The following CEP70 variants were observed in gnomAD, a reference collection of about 807,000 sequenced individuals.
CEP70 encodes the protein centrosomal protein 70.
Under a neutral mutation model 90.9 loss-of-function variants are expected in CEP70, and 70 were observed. The observed-to-expected ratio is 0.77, with a 90% CI of 0.64 to 0.94. CEP70 has a LOEUF of 0.94. Ranked by LOEUF, CEP70 falls within the 40% of genes least tolerant of loss-of-function variation. The pLI, the probability that CEP70 is intolerant of heterozygous loss-of-function variation, is 0.00. For synonymous variants in CEP70, 220 were observed against 228.3 expected (o/e 0.96, Z 0.33); for missense variants, 648 against 669.0 (o/e 0.97, Z 0.35).
intron 7 of CEP70, among the ~76,000 whole-genome samples, chr3:138,536,575 G>A (rs1422225293): frequency 6.6e-6 from 1 of 151,714 alleles, no homozygotes; most frequent in Non-Finnish European, 1.5e-5. Context: ...CATTCAGTAG[G>A]CTTATTGTTA....
At chr3:138,549,741 G>A (rs2039481485) in intron 6 of CEP70, among the ~76,000 whole-genome samples, 1 of 152,080 alleles carries the variant, frequency 6.6e-6, no homozygotes, top group South Asian at 2.1e-4. Flanking sequence ...GCCACCTCCT[G>A]GCAGGAGGTC....
At chr3:138,582,982 A>C (rs1224717559) in intron 2 of CEP70, among the ~76,000 whole-genome samples, 2 of 152,110 alleles carry the variant, frequency 1.3e-5, no homozygotes, top group Non-Finnish European at 1.5e-5. Flanking sequence ...AAACAACAAA[A>C]TGACAGTAGT....
intron 17 of CEP70, chr3:138,495,962 A>G (rs771625248): frequency 4.6e-4 from 453 of 985,346 alleles, no homozygotes; most frequent in East Asian, 5.7e-4. Flanking sequence ...AGATAAACCA[A>G]TCCAGGCTCT....
chr3:138,533,361 G>T (rs2037992353), intron 7 of CEP70, among the ~76,000 whole-genome samples: 2 of 151,994 alleles, frequency 1.3e-5, no homozygotes, highest in African/African-American at 4.8e-5. Flanking sequence ...CCTTAACAAG[G>T]AATGATGATG....
At position 138,525,524 on chromosome 3, in the gene CEP70, T is replaced by C; in HGVS notation, c.910A>G (p.Lys304Glu). ...HELRLYKQQV[K>E]KLEKALKKNV... ...TTCTTAAGGGCTTTTTCCAGCTTCT[T>C]CACCTGCTGTTTATAAAGTCTTAAT... Residue 304 changes from lysine (K) to glutamate (E), a missense_variant, in exon 11 of 18, where the codon AAG becomes GAG. By Grantham distance (56) the Lys-to-Glu change is moderately conservative. Transcript: ENST00000264982. The C allele has an allele frequency of 7.0e-7, 1 of 1,422,994 alleles. No homozygotes were observed. Among genetic ancestry groups the C allele is most frequent in the Non-Finnish European group, 9.2e-7 (1 of 1,081,146 alleles). The allele number at this position is 1,422,994 out of a possible 1,614,324, so 88.1% of individuals were successfully genotyped here.
intron 2 of CEP70, among the ~76,000 whole-genome samples, chr3:138,575,028 T>C (rs2041416997): frequency 6.6e-6 from 1 of 151,938 alleles, no homozygotes; most frequent in African/African-American, 2.4e-5. Flanking sequence ...ATTCCAAAAA[T>C]CAAAGCGCCT....
chr3:138,569,507 G>A (rs1210206685), intron 6 of CEP70, among the ~76,000 whole-genome samples: 2 of 151,926 alleles, frequency 1.3e-5, no homozygotes, highest in Non-Finnish European at 2.9e-5. Flanking sequence ...TTAAAATTAG[G>A]GAGTTAATTA....
rs2041164164 is a variant in CEP70, at chr3:138,571,371, AGAG to A, written c.70-18_70-16del. 2.0e-6 allele frequency: 3 copies of A among 1,525,424 alleles called. No homozygotes were observed. The highest frequency in any genetic ancestry group is 1.8e-6 in the Non-Finnish European group (2 of 1,104,828). The allele number at this position is 1,525,424 out of a possible 1,614,324, so 94.5% of individuals were successfully genotyped here. ...GCTTCTTCCTGCTACAATTACAGAA[AGAG>A]AAGAAAGGGTTAACTTTAGATATAA... On this transcript the variant is annotated splice_polypyrimidine_tract_variant and intron_variant, in intron 3 of 17. Transcript: ENST00000264982.
At chr3:138,571,192 A>C in intron 4 of CEP70, 35 bp from the exon 5 acceptor site, 1 of 1,552,294 alleles carries the variant, frequency 6.4e-7, no homozygotes, top group Non-Finnish European at 8.7e-7. Flanking sequence ...AGATAGTAAA[A>C]ATAAAAGGCA....
At chr3:138,525,705 A>G (rs1006674397) in intron 10 of CEP70, 141 bp from the exon 11 acceptor site, 4 of 366,278 alleles carry the variant, frequency 1.1e-5, no homozygotes. Context: ...ATGACTGCTA[A>G]TTTGGAGTTT....
chr3:138,496,176 T>G, intron 17 of CEP70: 1 of 985,468 alleles, frequency 1.0e-6, no homozygotes, highest in Non-Finnish European at 1.2e-6. Flanking sequence ...GCTTATTCTG[T>G]TAAGCCATCA....
chr3:138,531,849 A>C (rs1190428238), intron 8 of CEP70, among the ~76,000 whole-genome samples: 2 of 152,092 alleles, frequency 1.3e-5, no homozygotes, highest in African/African-American at 4.8e-5. Context: ...AAAGTGAAGA[A>C]TTTATCTGCT....
chr3:138,501,176 TGTTA>T (rs2034481184), intron 13 of CEP70, among the ~76,000 whole-genome samples: 1 of 152,114 alleles, frequency 6.6e-6, no homozygotes, highest in African/African-American at 2.4e-5. Flanking sequence ...AGTAATTTTA[TGTTA>T]TTTATTATTG....
At chr3:138,552,718 A>G (rs970604777) in intron 6 of CEP70, among the ~76,000 whole-genome samples, 1 of 152,146 alleles carries the variant, frequency 6.6e-6, no homozygotes, top group East Asian at 1.9e-4. Context: ...CTTACACCAA[A>G]AAGTCTGAAA....
At chr3:138,499,784 A>C (rs892320369) in intron 16 of CEP70, 12 of 66,016 alleles carry the variant, frequency 1.8e-4, no homozygotes, top group South Asian at 3.9e-4. Context: ...CTCTCTCTCT[A>C]CACACACACA....
At chr3:138,521,036 C>T (rs1340712495) in intron 11 of CEP70, among the ~76,000 whole-genome samples, 1 of 152,224 alleles carries the variant, frequency 6.6e-6, no homozygotes, top group South Asian at 2.1e-4. Flanking sequence ...TCTCCAACTC[C>T]TGACCTCGAG....
At chr3:138,537,965 T>C (rs1560362748) in intron 6 of CEP70, among the ~76,000 whole-genome samples, 1 of 151,886 alleles carries the variant, frequency 6.6e-6, no homozygotes, top group East Asian at 1.9e-4. Context: ...AGTGAAAAAA[T>C]TTCAAGCAGA....
At position 138,511,473 on chromosome 3, in the gene CEP70, C is replaced by G. The variant is rs6782133; in HGVS notation, c.945-2929G>C. Among the ~76,000 whole-genome samples the G allele has an allele frequency of 4.7e-3, 722 of 152,340 alleles. 4 individuals are homozygous for G. The highest frequency in any genetic ancestry group is 0.017 in the African/African-American group (695 of 41,566). ...CTGATATATCTGAATTTAAATGTTA[C>G]TTCCTTTCACTTAGGTGAAAATGTT... is the stretch of plus-strand genomic sequence containing the variant. On this transcript the variant is annotated intron_variant, in intron 11 of 17. Coordinates refer to ENST00000264982, the MANE Select transcript of CEP70 (RefSeq NM_024491.4).
chr3:138,512,948 A>G (rs2035662561), intron 11 of CEP70, among the ~76,000 whole-genome samples: 1 of 152,190 alleles, frequency 6.6e-6, no homozygotes, highest in Non-Finnish European at 1.5e-5. Context: ...CGAGTCTTTT[A>G]CCCTACAATC....
Sources: allele counts gnomAD v4.1 joint callset (sites outside exome capture counted in the v4.1 genomes callset), GRCh38; gene constraint gnomAD v4.1.1; transcripts MANE v1.5; gene names NCBI Gene and HGNC (gene_info 2026-07-23, HGNC 2026-07-21).